The following PEAK1 variants were observed in gnomAD, a reference collection of about 807,000 sequenced individuals.
PEAK1 encodes the protein pseudopodium enriched atypical kinase 1.
PEAK1 carries 54 observed loss-of-function variants against 124.7 expected under a neutral mutation model. The ratio of observed to expected loss-of-function variants is 0.43; its 90% CI spans 0.35 to 0.54. PEAK1 has a LOEUF of 0.54. Ranked by LOEUF, PEAK1 falls within the 20% of genes least tolerant of loss-of-function variation. The probability of loss-of-function intolerance (pLI) is 0.01; values close to 1 mark genes in which losing one functional copy is unlikely to be tolerated. For missense variants in PEAK1, 2,046 were observed against 2,134.5 expected (o/e 0.96, Z 0.82); for synonymous variants, 719 against 760.0 (o/e 0.95, Z 0.89).
chr15:77,224,794 T>C (rs1040472673), intron 6 of PEAK1, among the ~76,000 whole-genome samples: 1 of 152,042 alleles, frequency 6.6e-6, no homozygotes, highest in African/African-American at 2.4e-5. Flanking sequence ...ATTTCATTTG[T>C]ATGGAGAGAG....
Position 77,181,380 on chromosome 15 carries a change from A to C in PEAK1, c.547T>G (p.Cys183Gly). ...RETFLGRINDCYKRSLERKLP... is the reference protein window; with the variant it reads ...RETFLGRINDGYKRSLERKLP... ...TTTCTTTCCAATGATCGTTTATAGC[A>C]ATCATTTATTCTTCCCAAGAATGTT... The change falls in exon 7 of 10, where the codon TGC becomes GGC. Residue 183 changes from cysteine to glycine, a missense_variant. By Grantham distance (159) the Cys-to-Gly change is radical (BLOSUM62 -3). Transcript: ENST00000682557. The C allele has an allele frequency of 6.2e-7, 1 of 1,614,014 alleles. No individual in the cohort carries two copies. Among genetic ancestry groups the C allele is most frequent in the Non-Finnish European group, 8.5e-7 (1 of 1,179,960 alleles).
At chr15:77,322,867 C>T (rs1330565188) in intron 2 of PEAK1, among the ~76,000 whole-genome samples, 5 of 152,112 alleles carry the variant, frequency 3.3e-5, no homozygotes, top group Non-Finnish European at 7.4e-5. Context: ...TGATGAACAT[C>T]GATGCAAAAA....
chr15:77,160,010 T>C (rs528300554), intron 7 of PEAK1, among the ~76,000 whole-genome samples: 1 of 151,990 alleles, frequency 6.6e-6, no homozygotes, highest in Admixed American at 6.6e-5. Context: ...AGGACAGTGG[T>C]GAGGTTGGAA....
At chr15:77,144,024 T>C (rs917044710) in intron 8 of PEAK1, among the ~76,000 whole-genome samples, 1 of 152,202 alleles carries the variant, frequency 6.6e-6, no homozygotes, top group Non-Finnish European at 1.5e-5. Flanking sequence ...ATCACAGACA[T>C]GAGAGAAATG....
chr15:77,133,028 G>C lies in PEAK1; in HGVS notation c.4054C>G (p.Pro1352Ala). Residue 1352 changes from proline (P) to alanine (A), a missense_variant, in exon 9 of 10, where the codon CCA becomes GCA. By Grantham distance (27) the Pro-to-Ala change is conservative. Coordinates refer to ENST00000682557, the MANE Select transcript of PEAK1 (RefSeq NM_001385026.1). This position sits in a 1 kb window ranked among gnomAD's most constrained non-coding sequence, Gnocchi z 4.2. The stretch of plus-strand genomic sequence containing the variant: ...ACCTTGACTGCATAGTTATTAAGTG[G>C]ATCTTTTGCATATGAAGCAGTATAG... ...VYYTASYAKD[P>A]LNNYAVKICK... The C allele has an allele frequency of 6.2e-7, 1 of 1,610,700 alleles. No individual in the cohort carries two copies. Among genetic ancestry groups the C allele is most frequent in the Non-Finnish European group, 8.5e-7 (1 of 1,177,100 alleles).
At chr15:77,373,518 G>A (rs748090398) in intron 1 of PEAK1, among the ~76,000 whole-genome samples, 7 of 152,192 alleles carry the variant, frequency 4.6e-5, no homozygotes, top group Middle Eastern at 3.4e-3. Flanking sequence ...AAATACTTCC[G>A]TAACATAGTC....
rs895508830 is a variant in PEAK1, at chr15:77,395,207, GAGTC to G, written c.-666+24795_-666+24798del. ...CATCAGAGTTTCTTAACAGAAGAAAGAGTCAGTAAGCTTGAAGACAAGCTCTTTG... is the reference window on the plus strand; with the variant it reads ...CATCAGAGTTTCTTAACAGAAGAAAGAGTAAGCTTGAAGACAAGCTCTTTG... On this transcript the variant is annotated intron_variant, in intron 1 of 9. Coordinates refer to ENST00000682557, the MANE Select transcript of PEAK1 (RefSeq NM_001385026.1). Among the ~76,000 whole-genome samples the G allele has an allele frequency of 1.3e-3, 203 of 152,240 alleles. 2 individuals are homozygous for G. The highest frequency in any genetic ancestry group is 4.7e-3 in the African/African-American group (194 of 41,548).
intron 5 of PEAK1, among the ~76,000 whole-genome samples, chr15:77,269,948 C>G (rs1308084735): frequency 2.0e-5 from 3 of 152,146 alleles, no homozygotes; most frequent in Non-Finnish European, 2.9e-5. Context: ...CATTCAGGAG[C>G]AGGCTGTTCA....
intron 2 of PEAK1, among the ~76,000 whole-genome samples, chr15:77,312,500 CTA>C (rs781279849): frequency 1.4e-4 from 22 of 152,306 alleles, no homozygotes; most frequent in Non-Finnish European, 2.5e-4. Flanking sequence ...TTGGCTAAGA[CTA>C]TGTGTGGGGC....
rs543255684 is a variant in PEAK1, at chr15:77,261,452, G to A, written c.-274-8926C>T. ...AGGAGCTGATGGAGCTGAAAACCAC[G>A]GCACGAGAACTATGTGATGAATGCA... On this transcript the variant is annotated intron_variant, in intron 5 of 9. Coordinates refer to ENST00000682557, the MANE Select transcript of PEAK1 (RefSeq NM_001385026.1). 5.9e-5 allele frequency among the ~76,000 whole-genome samples: 9 copies of A among 152,176 alleles called. No homozygotes were observed. In the East Asian group the frequency reaches 9.6e-4, roughly 16 times the overall value.
At chr15:77,193,625 G>A (rs575762172) in intron 6 of PEAK1, among the ~76,000 whole-genome samples, 2 of 152,204 alleles carry the variant, frequency 1.3e-5, no homozygotes, top group African/African-American at 2.4e-5. Context: ...CCAACATGGC[G>A]AAACCCCGTC....
intron 1 of PEAK1, among the ~76,000 whole-genome samples, chr15:77,369,484 C>G (rs2068495050): frequency 6.6e-6 from 1 of 152,154 alleles, no homozygotes; most frequent in South Asian, 2.1e-4. Context: ...TCAACTAAAT[C>G]AGTGATCAAA....
At chr15:77,346,479 G>A (rs1209301181) in intron 2 of PEAK1, 2 of 985,262 alleles carry the variant, frequency 2.0e-6, no homozygotes, top group Non-Finnish European at 2.4e-6. Flanking sequence ...GCAGCTGTTA[G>A]AAGCCAATTT....
At chr15:77,225,629 ATGTGTGTG>A (rs146458404) in intron 6 of PEAK1, among the ~76,000 whole-genome samples, 21 of 115,780 alleles carry the variant, frequency 1.8e-4, no homozygotes, top group South Asian at 1.2e-3. Flanking sequence ...CTTTCTACAG[ATGTGTGTG>A]TGTGTGTGTG....
At chr15:77,349,373 A>G (rs2067073321) in intron 2 of PEAK1, 29 of 983,910 alleles carry the variant, frequency 2.9e-5, no homozygotes, top group Non-Finnish European at 3.5e-5. Context: ...TCACACTACA[A>G]AGACATAAAT....
chr15:77,115,180 T>C lies in PEAK1; in HGVS notation c.4217A>G (p.Glu1406Gly), dbSNP rs1189876998. Residue 1406 changes from glutamate to glycine, a missense_variant, in exon 10 of 10, where the codon GAG becomes GGG. Physicochemically the swap from Glu to Gly is moderately conservative, Grantham distance 98 (BLOSUM62 -2). Transcript: ENST00000682557. ...AEVPNRLLPW[E>G]DPDDPEKDED... ...ATCCTTTTCAGGGTCATCTGGATCC[T>C]CCCAGGGAAGCAGACGGTTAGGGAC... 4 of 1,614,036 alleles carry C rather than the reference T, an allele frequency of 2.5e-6. No homozygotes were observed. Among genetic ancestry groups the C allele is most frequent in the Non-Finnish European group, 3.4e-6 (4 of 1,180,036 alleles).
At chr15:77,253,243 G>T (rs1460407614) in intron 5 of PEAK1, among the ~76,000 whole-genome samples, 1 of 130,410 alleles carries the variant, frequency 7.7e-6, no homozygotes, top group East Asian at 2.1e-4. Context: ...TTTGGTATGC[G>T]TTGGGGGGGG....
rs575444108 is a variant in PEAK1 at position 77,343,517 on chromosome 15, C to T, written c.-603+21646G>A. ...TTTTTTTTTTTTTGAGACGGAGTCT[C>T]GCTCCGTTGCTTAGGTTGGAGGGGA... On this transcript the variant is annotated intron_variant, in intron 2 of 9. Transcript: ENST00000682557. Among the ~76,000 whole-genome samples the T allele has an allele frequency of 4.7e-4, 66 of 141,752 alleles. 1 individual carries two copies. The Middle Eastern group carries it at 0.012, about 25-fold the overall frequency. 93.0% of individuals were successfully genotyped at this position (141,752 alleles called of 152,430 possible).
At chr15:77,148,964 G>T (rs2054374025) in intron 8 of PEAK1, among the ~76,000 whole-genome samples, 2 of 152,124 alleles carry the variant, frequency 1.3e-5, no homozygotes, top group Admixed American at 6.6e-5. Flanking sequence ...AAAGGAAAAA[G>T]AAGAGTATAT....
Sources: allele counts gnomAD v4.1 joint callset (sites outside exome capture counted in the v4.1 genomes callset), GRCh38; gene constraint gnomAD v4.1.1; non-coding constraint Gnocchi (gnomAD v3.1); transcripts MANE v1.5; gene names NCBI Gene and HGNC (gene_info 2026-07-23, HGNC 2026-07-21).